GALNT13: variants seen among roughly 807,000 people sequenced by gnomAD.
The protein encoded by GALNT13 is polypeptide N-acetylgalactosaminyltransferase 13.
GALNT13 carries 28 observed loss-of-function variants against 64.2 expected under a neutral mutation model. That is an observed-to-expected ratio of 0.44 (90% CI 0.32 to 0.60). The LOEUF (loss-of-function observed/expected upper bound fraction) is 0.60. GALNT13 is among the 20% of genes least tolerant of loss of function. GALNT13 has a pLI of 0.05. For synonymous variants in GALNT13, 214 were observed against 224.6 expected (o/e 0.95, Z 0.42); for missense variants, 577 against 669.8 (o/e 0.86, Z 1.53).
chr2:153,974,550 G>A (rs1693953555), intron 3 of GALNT13, among the ~76,000 whole-genome samples: 1 of 152,028 alleles, frequency 6.6e-6, no homozygotes, highest in Admixed American at 6.6e-5. Context: ...TTATTTTGGA[G>A]CTTGCATGCT....
the GALNT13 span, among the ~76,000 whole-genome samples, chr2:153,814,587 G>A: frequency 6.6e-6 from 1 of 152,158 alleles, no homozygotes. Context: ...CAGCCACAAA[G>A]CCTCATTGCC....
chr2:153,769,316 CTTTA>C, the GALNT13 span, among the ~76,000 whole-genome samples: 1 of 146,138 alleles, frequency 6.8e-6, no homozygotes, highest in African/African-American at 2.5e-5. Context: ...CTGGAAAAGA[CTTTA>C]TTTATTTTTC....
intron 8 of GALNT13, among the ~76,000 whole-genome samples, chr2:154,272,574 T>C (rs2105924836): frequency 6.6e-6 from 1 of 152,224 alleles, no homozygotes; most frequent in South Asian, 2.1e-4. Context: ...TTTGAATTTA[T>C]GGCAATAAAA....
At chr2:154,080,354 T>G (rs1461550156) in intron 3 of GALNT13, among the ~76,000 whole-genome samples, 4 of 151,626 alleles carry the variant, frequency 2.6e-5, no homozygotes. Flanking sequence ...AAGTATTACC[T>G]TCAGGACCAA....
chr2:153,368,164 C>T, the GALNT13 span, among the ~76,000 whole-genome samples: 1 of 152,010 alleles, frequency 6.6e-6, no homozygotes, highest in African/African-American at 2.4e-5. Flanking sequence ...CTGAATGTGT[C>T]CTAGTAAAAC....
chr2:153,672,564 G>A, the GALNT13 span, among the ~76,000 whole-genome samples: 1 of 152,124 alleles, frequency 6.6e-6, no homozygotes, highest in Non-Finnish European at 1.5e-5. Flanking sequence ...TGTGTAGGGG[G>A]AAATTTGTAG....
At chr2:153,956,345 T>C (rs949338198) in intron 3 of GALNT13, among the ~76,000 whole-genome samples, 1 of 152,184 alleles carries the variant, frequency 6.6e-6, no homozygotes. Flanking sequence ...ATTTAGCAAA[T>C]CAATACCTTA....
rs560256975 is a variant in GALNT13, at chr2:154,109,568, A to G, written c.143-30769A>G. On this transcript the variant is annotated intron_variant, in intron 3 of 12. Transcript: ENST00000392825. ...TCTTGTTCCAGATCTCAGAGGAAGG[A>G]CTTCAATTATTCACCATTGAATATA... Among the ~76,000 whole-genome samples the G allele has an allele frequency of 1.1e-4, 17 of 152,158 alleles. No individual in the cohort carries two copies. The South Asian group carries it at 3.5e-3, about 32-fold the overall frequency.
chr2:153,660,733 G>C, the GALNT13 span, among the ~76,000 whole-genome samples: 1 of 151,768 alleles, frequency 6.6e-6, no homozygotes, highest in Non-Finnish European at 1.5e-5. Context: ...TTAACCCAAG[G>C]CCACATTGAA....
the GALNT13 span, among the ~76,000 whole-genome samples, chr2:153,366,182 A>G: frequency 1.3e-5 from 2 of 152,174 alleles, no homozygotes; most frequent in Non-Finnish European, 1.5e-5. Flanking sequence ...TGTAAGTAGG[A>G]GTTGTACAAT....
the GALNT13 span, among the ~76,000 whole-genome samples, chr2:153,532,286 C>T: frequency 6.6e-6 from 1 of 152,118 alleles, no homozygotes; most frequent in Non-Finnish European, 1.5e-5. Flanking sequence ...ATGGAAGCCA[C>T]CCCTCTGAAG....
chr2:153,972,650 A>G (rs1053761182), intron 3 of GALNT13, among the ~76,000 whole-genome samples: 2 of 152,062 alleles, frequency 1.3e-5, no homozygotes, highest in African/African-American at 4.8e-5. Flanking sequence ...ACTCTATATT[A>G]GGTACTTGCT....
the GALNT13 span, among the ~76,000 whole-genome samples, chr2:153,279,641 A>C: frequency 1.3e-5 from 2 of 151,944 alleles, no homozygotes; most frequent in African/African-American, 4.8e-5. Flanking sequence ...TTTTAATTCC[A>C]TTTATGTGAT....
At chr2:154,440,165 A>G (rs942721176) in intron 12 of GALNT13, among the ~76,000 whole-genome samples, 2 of 152,182 alleles carry the variant, frequency 1.3e-5, no homozygotes, top group Non-Finnish European at 2.9e-5. Flanking sequence ...CGTTTCTACC[A>G]GGAACCTGGG....
intron 3 of GALNT13, among the ~76,000 whole-genome samples, chr2:154,119,210 C>T (rs62171169): frequency 0.2 from 30,904 of 152,034 alleles, 4,048 homozygotes; most frequent in Middle Eastern, 0.32. Flanking sequence ...TAAAGTATTC[C>T]TCATTCGCAG....
At chr2:154,264,387 C>A (rs1041728200) in intron 8 of GALNT13, among the ~76,000 whole-genome samples, 1 of 149,710 alleles carries the variant, frequency 6.7e-6, no homozygotes, top group African/African-American at 2.5e-5. Context: ...TTTGAGAGAT[C>A]GAGCAGGCAG....
the GALNT13 span, among the ~76,000 whole-genome samples, chr2:153,595,390 A>G: frequency 9.9e-5 from 15 of 152,024 alleles, no homozygotes; most frequent in East Asian, 2.9e-3. Context: ...TGTAAAGAAG[A>G]TATCTATTAA....
chr2:154,131,806 A>C (rs990426100), intron 3 of GALNT13, among the ~76,000 whole-genome samples: 3 of 152,214 alleles, frequency 2.0e-5, no homozygotes, highest in Non-Finnish European at 4.4e-5. Flanking sequence ...CTGAGGAGCA[A>C]GGAAGCCAGT....
At chr2:153,619,519 T>C in the GALNT13 span, among the ~76,000 whole-genome samples, 2 of 152,154 alleles carry the variant, frequency 1.3e-5, no homozygotes, top group African/African-American at 2.4e-5. Context: ...TTTTATACCT[T>C]CAAGTGATTA....
Sources: gnomAD v4.1 joint callset for allele counts (sites outside exome capture counted in the v4.1 genomes callset) on GRCh38, gnomAD v4.1.1 for gene constraint, MANE v1.5 for transcripts, NCBI Gene and HGNC (gene_info 2026-07-23, HGNC 2026-07-21) for gene names.